IBSP: variants seen among roughly 807,000 people sequenced by gnomAD.
IBSP encodes integrin-binding sialoprotein.
A neutral mutation model predicts 25.5 loss-of-function variants in IBSP; 19 were observed. The ratio of observed to expected loss-of-function variants is 0.74; its 90% CI spans 0.52 to 1.09. The LOEUF (loss-of-function observed/expected upper bound fraction) is 1.09, where lower values mean the gene tolerates loss of function less well. Among genes scored for constraint, IBSP ranks in the 50% least tolerant of loss-of-function variants. The probability of loss-of-function intolerance (pLI) is 0.00; values close to 1 mark genes in which losing one functional copy is unlikely to be tolerated. For synonymous variants in IBSP, 144 were observed against 137.6 expected, an observed-to-expected ratio of 1.05 and a Z score of -0.33; for missense variants, 360 against 382.3, an observed-to-expected ratio of 0.94 and a Z score of 0.49.
chr4:87,805,881 C>A (rs917190065), intron 4 of IBSP, among the ~76,000 whole-genome samples: 1 of 152,170 alleles, frequency 6.6e-6, no homozygotes, highest in Non-Finnish European at 1.5e-5. Context: ...CAATTCATAT[C>A]TTGATCATAG....
At position 87,811,526 on chromosome 4, in the gene IBSP, C is replaced by T. The variant is rs563550594; in HGVS notation, c.570C>T (p.Asn190=). 1.9e-6 allele frequency: 3 copies of T among 1,613,864 alleles called. No individual in the cohort carries two copies. The highest frequency in any genetic ancestry group is 1.1e-5 in the South Asian group (1 of 91,056). The change falls in exon 7 of 7, where the codon AAC becomes AAT. Residue 190 remains asparagine (N), a synonymous_variant. Transcript: ENST00000226284. ...STNSTEAENG[N]GSSGGDNGEE... is the part of the protein sequence containing the mutation. ...ACAGCACAGAGGCAGAAAACGGCAA[C>T]GGCAGCAGCGGAGGAGACAATGGAG...
chr4:87,806,742 T>A (rs1255317628), intron 5 of IBSP, among the ~76,000 whole-genome samples: 2 of 152,154 alleles, frequency 1.3e-5, no homozygotes, highest in Non-Finnish European at 1.5e-5. Context: ...TGGTGGCTCA[T>A]GCCTGTAATT....
intron 5 of IBSP, among the ~76,000 whole-genome samples, chr4:87,807,599 G>A (rs1039266768): frequency 2.6e-5 from 4 of 152,128 alleles, no homozygotes; most frequent in African/African-American, 9.7e-5. Flanking sequence ...TTGTAAAATT[G>A]CCTTGTCAAC....
Position 87,802,730 on chromosome 4 carries a change from A to G in IBSP, c.182A>G (p.Gln61Arg). The G allele has an allele frequency of 6.6e-7, 1 of 1,514,662 alleles. No homozygotes were observed. Among genetic ancestry groups the G allele is most frequent in the Admixed American group, 2.4e-5 (1 of 41,120 alleles). The allele number at this position is 1,514,662 out of a possible 1,614,324, so 93.8% of individuals were successfully genotyped here. Residue 61 changes from glutamine to arginine, a missense_variant and splice_region_variant, in exon 4 of 7, where the codon CAG (glutamine) becomes CGG (arginine). Physicochemically the swap from Gln to Arg is conservative, Grantham distance 43. Transcript: ENST00000226284. Reference protein sequence around the residue: ...FYPHLKRFPVQGSSDSSEENG... With the variant: ...FYPHLKRFPVRGSSDSSEENG... ...CCTCATTTAAAACGATTTCCAGTTC[A>G]GGTAAATATAGAAATTCATTTTTCT...
chr4:87,804,233 T>C (rs993400884), intron 4 of IBSP, among the ~76,000 whole-genome samples: 1 of 152,170 alleles, frequency 6.6e-6, no homozygotes, highest in Non-Finnish European at 1.5e-5. Flanking sequence ...CTTTACAAAA[T>C]TTGATTTTCT....
At position 87,810,774 on chromosome 4, in the gene IBSP, G is replaced by C; in HGVS notation, c.405+10G>C. On this transcript the variant is annotated intron_variant, in intron 6 of 6. Coordinates refer to ENST00000226284, the MANE Select transcript of IBSP (RefSeq NM_004967.4). ...CCAGCTTCCCAAGAAGGTAACAATG[G>C]AATTATTCCTCCAAAATGAAATTAT... 6.3e-7 allele frequency: 1 copy of C among 1,597,860 alleles called. No individual in the cohort carries two copies. The highest frequency in any genetic ancestry group is 8.5e-7 in the Non-Finnish European group (1 of 1,173,224).
In IBSP at chr4:87,811,470, A is replaced by G. The variant is rs375627934; in HGVS notation, c.514A>G (p.Asn172Asp). Residue 172 changes from asparagine (N) to aspartate (D), a missense_variant, in exon 7 of 7, where the codon AAC (asparagine) becomes GAC (aspartate). Coordinates refer to ENST00000226284, the MANE Select transcript of IBSP (RefSeq NM_004967.4). ...AGAAAGCGAAGCAGAAGTGGATGAA[A>G]ACGAACAAGGCATAAACGGCACCAG... ...NEESEAEVDE[N>D]EQGINGTSTN... 7 of 1,613,962 alleles carry G rather than the reference A, an allele frequency of 4.3e-6. No homozygotes were observed. In the African/African-American group the frequency reaches 8.0e-5, roughly 18 times the overall value.
At chr4:87,802,149 C>T (rs1213839726) in intron 1 of IBSP, among the ~76,000 whole-genome samples, 199 bp from the exon 2 acceptor site, 13 of 151,994 alleles carry the variant, frequency 8.6e-5, no homozygotes, top group South Asian at 2.1e-4. Context: ...ATTATTTAAA[C>T]GGATGGGTTA....
chr4:87,802,782 A>G, intron 4 of IBSP, 51 bp downstream of exon 4: 2 of 1,232,692 alleles, frequency 1.6e-6, no homozygotes, highest in Non-Finnish European at 2.2e-6. Context: ...TATAATTTAA[A>G]GGAGATCAAA....
rs1722178469 is a variant in IBSP, at chr4:87,811,760, C to T, written c.804C>T (p.Ala268=). The change falls in exon 7 of 7, where the codon GCC becomes GCT. Residue 268 remains alanine (A), a synonymous_variant. Coordinates refer to ENST00000226284, the MANE Select transcript of IBSP (RefSeq NM_004967.4). ...AGGGGGAGTACGAATACACGGGCGC[C>T]AATGAATACGACAATGGATATGAAA... The part of the protein sequence containing the change: ...EYEGEYEYTG[A]NEYDNGYEIY... 1 of 1,613,780 alleles carries T rather than the reference C, an allele frequency of 6.2e-7. No homozygotes were observed. The highest frequency in any genetic ancestry group is 1.3e-5 in the African/African-American group (1 of 74,884).
intron 5 of IBSP, 89 bp downstream of exon 5, chr4:87,806,273 T>C: frequency 2.1e-6 from 2 of 960,626 alleles, no homozygotes; most frequent in East Asian, 2.5e-5. Flanking sequence ...ACTCAGCAAA[T>C]AGCCATTGTC....
chr4:87,809,091 C>G (rs1457178614), intron 5 of IBSP, among the ~76,000 whole-genome samples: 1 of 152,188 alleles, frequency 6.6e-6, no homozygotes. Context: ...TCCGGTTGCT[C>G]CACATTCTCA....
Position 87,802,429 on chromosome 4 carries a change from C to A in IBSP, c.54+14C>A. The A allele has an allele frequency of 6.2e-7, 1 of 1,604,066 alleles. No individual in the cohort carries two copies. Among genetic ancestry groups the A allele is most frequent in the Non-Finnish European group, 8.5e-7 (1 of 1,176,144 alleles). On this transcript the variant is annotated intron_variant, in intron 2 of 6. Transcript: ENST00000226284. ...TGTGCTTTCTCAGTAAGTTCTTTATCAAAACCCACAGTTATTTTCAGTTTT... is the reference window on the plus strand; with the variant it reads ...TGTGCTTTCTCAGTAAGTTCTTTATAAAAACCCACAGTTATTTTCAGTTTT...
rs1373970514 is a variant in IBSP, at chr4:87,802,415, A to G, written c.54A>G (p.Ser18=). ...LSILGMACAF[S]MKNLHRRVKI... is the part of the protein sequence containing the mutation. Reference sequence around the variant, plus strand: ...TTTTGGGAATGGCCTGTGCTTTCTCAGTAAGTTCTTTATCAAAACCCACAG... The same window carrying G: ...TTTTGGGAATGGCCTGTGCTTTCTCGGTAAGTTCTTTATCAAAACCCACAG... Residue 18 remains serine (S), a splice_region_variant and synonymous_variant, in exon 2 of 7, where the codon TCA becomes TCG. Coordinates refer to ENST00000226284, the MANE Select transcript of IBSP (RefSeq NM_004967.4). 1 of 1,608,186 alleles carries G rather than the reference A, an allele frequency of 6.2e-7. No homozygotes were observed. The highest frequency in any genetic ancestry group is 1.3e-5 in the African/African-American group (1 of 74,660).
In IBSP at chr4:87,806,187, A is replaced by G. The variant is rs972463254; in HGVS notation, c.246+3A>G. 15 of 1,609,852 alleles carry G rather than the reference A, an allele frequency of 9.3e-6. No individual in the cohort carries two copies. Among genetic ancestry groups the G allele is most frequent in the Non-Finnish European group, 1.3e-5 (15 of 1,178,524 alleles). On this transcript the variant is annotated splice_donor_region_variant and intron_variant, in intron 5 of 6. Coordinates refer to ENST00000226284, the MANE Select transcript of IBSP (RefSeq NM_004967.4). ...CAGAAGAGGAGGAGGAAGAAGAGGT[A>G]AGGAATTTTGCAATCTTTTCGTAAT...
intron 5 of IBSP, among the ~76,000 whole-genome samples, chr4:87,809,413 A>G (rs1722138273): frequency 6.6e-6 from 1 of 152,200 alleles, no homozygotes; most frequent in Non-Finnish European, 1.5e-5. Flanking sequence ...TCAACTGCAA[A>G]TAGTATATTC....
chr4:87,806,960 C>T (rs1223346247), intron 5 of IBSP, among the ~76,000 whole-genome samples: 4 of 151,804 alleles, frequency 2.6e-5, no homozygotes, highest in Non-Finnish European at 5.9e-5. Flanking sequence ...AGCCAAGATC[C>T]TGTCACTGCA....
chr4:87,801,504 ACACACACACACG>A (rs70957277), intron 1 of IBSP, among the ~76,000 whole-genome samples: 35,997 of 150,816 alleles, frequency 0.24, 5,320 homozygotes, highest in South Asian at 0.32. Flanking sequence ...ACACACACAC[ACACACACACACG>A]CATATACACA....
chr4:87,803,603 C>T (rs989877709), intron 4 of IBSP, among the ~76,000 whole-genome samples: 1 of 152,168 alleles, frequency 6.6e-6, no homozygotes. Flanking sequence ...ATGCTGAAAA[C>T]GATGCCTCAG....
Sources: allele counts gnomAD v4.1 joint callset (sites outside exome capture counted in the v4.1 genomes callset), GRCh38; gene constraint gnomAD v4.1.1; transcripts MANE v1.5; gene names NCBI Gene and HGNC (gene_info 2026-07-23, HGNC 2026-07-21).